Variants in GFRA2 observed in about 807,000 individuals in gnomAD.
The protein encoded by GFRA2 is GDNF family receptor alpha-2.
Under a neutral mutation model 48.3 loss-of-function variants are expected in GFRA2, and 17 were observed. That is an observed-to-expected ratio of 0.35 (90% CI 0.24 to 0.53). The LOEUF (loss-of-function observed/expected upper bound fraction) is 0.53. Ranked by LOEUF, GFRA2 falls within the 20% of genes least tolerant of loss-of-function variation. The pLI is 0.93. For synonymous variants in GFRA2, 305 were observed against 257.2 expected, an observed-to-expected ratio of 1.19 and a Z score of -1.78; for missense variants, 660 against 637.3, an observed-to-expected ratio of 1.04 and a Z score of -0.38.
rs374886751 is a variant in GFRA2, at chr8:21,750,568, G to A, written c.794+20C>T. 9.0e-5 allele frequency: 133 copies of A among 1,480,168 alleles called. No homozygotes were observed. The East Asian group carries it at 1.9e-3, about 21-fold the overall frequency. The allele number at this position is 1,480,168 out of a possible 1,614,324, so 91.7% of individuals were successfully genotyped here. A position where few individuals can be genotyped will look rare whatever the true frequency, so the allele number is the denominator to read the frequency against. On this transcript the variant is annotated intron_variant, in intron 4 of 8. Transcript: ENST00000524240. The surrounding 1 kb of genome is among the most constrained non-coding windows in gnomAD (Gnocchi z 5.7). ...CAAGCGCCCTCCTGCCAGCACCACC[G>A]GGGCTGCCGCGGCACTCACCGACAC... is the stretch of plus-strand genomic sequence containing the variant.
chr8:21,782,518 G>T, intron 2 of GFRA2, 67 bp downstream of exon 2: 1 of 1,228,786 alleles, frequency 8.1e-7, no homozygotes. Context: ...TGAACCCCTG[G>T]CCCGCCACAC....
In GFRA2 at chr8:21,782,869, G is replaced by A; in HGVS notation, c.71C>T (p.Ser24Phe). 1 of 1,566,170 alleles carries A rather than the reference G, an allele frequency of 6.4e-7. No homozygotes were observed. Among genetic ancestry groups the A allele is most frequent in the South Asian group, 1.2e-5 (1 of 86,298 alleles). The part of the protein sequence containing the change: ...DETLRSLASP[S>F]SLQGPELHGW... ...GTGGAGCTCGGGGCCCTGCAGGGAG[G>A]AAGGGCTGGCCAAAGAGCGGAGGGT... The change falls in exon 2 of 9, where the codon TCC becomes TTC. Residue 24 changes from serine (S) to phenylalanine (F), a missense_variant. Ser to Phe is a radical substitution (Grantham distance 155). Coordinates refer to ENST00000524240, the MANE Select transcript of GFRA2 (RefSeq NM_001495.5).
At chr8:21,735,377 C>CA (rs1347256408) in intron 4 of GFRA2, among the ~76,000 whole-genome samples, 1 of 152,090 alleles carries the variant, frequency 6.6e-6, no homozygotes, top group African/African-American at 2.4e-5. Context: ...AAGCCCCCCC[C>CA]CAATCCACCC....
At position 21,714,246 on chromosome 8, in the gene GFRA2, C is replaced by CTTTTTTTTTTTTTTTTTTTTTTTTT. The variant is rs10674628; in HGVS notation, c.795-8206_795-8205insAAAAAAAAAAAAAAAAAAAAAAAAA. On this transcript the variant is annotated intron_variant, in intron 4 of 8. Coordinates refer to ENST00000524240, the MANE Select transcript of GFRA2 (RefSeq NM_001495.5). ...GATCAATACATACTGGTCTGAAGTT[C>CTTTTTTTTTTTTTTTTTTTTTTTTT]TTTTTTTTTTTTTTTTTTTTTTTGA... Among the ~76,000 whole-genome samples, 12 of 78,402 alleles carry CTTTTTTTTTTTTTTTTTTTTTTTTT rather than the reference C, an allele frequency of 1.5e-4. 3 individuals are homozygous for CTTTTTTTTTTTTTTTTTTTTTTTTT. The highest frequency in any genetic ancestry group is 5.2e-4 in the African/African-American group (10 of 19,304). 51.4% of individuals were successfully genotyped at this position (78,402 alleles called of 152,430 possible). A position where few individuals can be genotyped will look rare whatever the true frequency, so the allele number is the denominator to read the frequency against.
chr8:21,726,971 C>T (rs766441852), intron 4 of GFRA2, among the ~76,000 whole-genome samples: 2 of 152,042 alleles, frequency 1.3e-5, no homozygotes, highest in African/African-American at 2.4e-5. Flanking sequence ...AGGATGGTCT[C>T]GATCTCCTGA....
At chr8:21,791,033 C>A (rs1372397148), upstream of GFRA2, among the ~76,000 whole-genome samples, 1 of 152,154 alleles carries the variant, frequency 6.6e-6, no homozygotes, top group Non-Finnish European at 1.5e-5. Flanking sequence ...ATTTCGGAAT[C>A]TCACGCAGGC....
chr8:21,803,199 C>A lies in GFRA2; in HGVS notation c.-36+1818G>T, dbSNP rs1321532648. On this transcript the variant is annotated intron_variant, in intron 2 of 10. Transcript: ENST00000517328. ...GTGCATTATCATCCTGCAGCTGCTA[C>A]ACCTAGAACACAAGTCCTCTTCAGT... is the stretch of plus-strand genomic sequence containing the variant. Among the ~76,000 whole-genome samples, 3 of 152,208 alleles carry A rather than the reference C, an allele frequency of 2.0e-5. No individual in the cohort carries two copies. The East Asian group carries it at 5.8e-4, about 29-fold the overall frequency.
chr8:21,753,932 G>A (rs984639258), intron 3 of GFRA2, among the ~76,000 whole-genome samples: 2 of 152,148 alleles, frequency 1.3e-5, no homozygotes, highest in Non-Finnish European at 2.9e-5. Context: ...TCACGGCGTG[G>A]CCACAGGGCC....
chr8:21,725,213 C>T (rs563872633), intron 4 of GFRA2, among the ~76,000 whole-genome samples: 1 of 152,364 alleles, frequency 6.6e-6, no homozygotes, highest in South Asian at 2.1e-4. Flanking sequence ...TCCTGACTTC[C>T]TCTTGAAGCA....
At position 21,706,002 on chromosome 8, in the gene GFRA2, G is replaced by A; in HGVS notation, c.834C>T (p.Ser278=). ...LADFHANCRA[S]YQTVTSCPAD... Reference sequence around the variant, plus strand: ...CAGGGCAGCTGGTGACCGTCTGGTAGGAGGCTCGACAATTGGCATGGAAGT... The same window carrying A: ...CAGGGCAGCTGGTGACCGTCTGGTAAGAGGCTCGACAATTGGCATGGAAGT... The change falls in exon 5 of 9, where the codon TCC becomes TCT. Residue 278 remains serine, a synonymous_variant. Coordinates refer to ENST00000524240, the MANE Select transcript of GFRA2 (RefSeq NM_001495.5). 3 of 1,580,212 alleles carry A rather than the reference G, an allele frequency of 1.9e-6. No individual in the cohort carries two copies. The highest frequency in any genetic ancestry group is 2.6e-6 in the Non-Finnish European group (3 of 1,162,802).
intron 2 of GFRA2, among the ~76,000 whole-genome samples, chr8:21,781,759 G>A (rs1407872135): frequency 6.6e-6 from 1 of 152,116 alleles, no homozygotes; most frequent in Non-Finnish European, 1.5e-5. Context: ...CAATAAACAT[G>A]CATTCAATTA....
At chr8:21,709,882 T>C (rs1236578813) in intron 4 of GFRA2, among the ~76,000 whole-genome samples, 1 of 152,102 alleles carries the variant, frequency 6.6e-6, no homozygotes, top group Non-Finnish European at 1.5e-5. Context: ...AACAGCAGCA[T>C]GAATGGGGAG....
intron 4 of GFRA2, among the ~76,000 whole-genome samples, chr8:21,742,385 G>A (rs372321726): frequency 1.3e-4 from 20 of 152,248 alleles, no homozygotes; most frequent in African/African-American, 4.8e-4. Context: ...ATACGAGGAC[G>A]TAACCAGGAA....
chr8:21,731,787 C>T (rs1160974651), intron 4 of GFRA2, among the ~76,000 whole-genome samples: 1 of 152,194 alleles, frequency 6.6e-6, no homozygotes, highest in African/African-American at 2.4e-5. Flanking sequence ...TGACAGCAAA[C>T]AGCGAAGGAG....
intron 4 of GFRA2, among the ~76,000 whole-genome samples, chr8:21,734,826 G>A (rs1216772117): frequency 1.3e-5 from 2 of 152,144 alleles, no homozygotes; most frequent in Non-Finnish European, 1.5e-5. Flanking sequence ...CTGTTTCAAG[G>A]TGTGAAAGGA....
At chr8:21,799,764 G>A (rs1487104594) in intron 2 of GFRA2, among the ~76,000 whole-genome samples, 1 of 152,190 alleles carries the variant, frequency 6.6e-6, no homozygotes, top group Non-Finnish European at 1.5e-5. Context: ...TCCCCCTGAA[G>A]TGGGAGATGA....
upstream of GFRA2, chr8:21,790,189 G>A (rs751291519): frequency 2.0e-5 from 15 of 736,198 alleles, no homozygotes; most frequent in Non-Finnish European, 2.3e-5. Context: ...GAGAGCGGGA[G>A]AGGCGCGGGG....
chr8:21,809,126 C>T (rs1807929011), intron 1 of GFRA2, among the ~76,000 whole-genome samples: 1 of 152,114 alleles, frequency 6.6e-6, no homozygotes, highest in African/African-American at 2.4e-5. Flanking sequence ...AGTGTCAGCC[C>T]AACATCACGC....
Position 21,750,678 on chromosome 8 carries a change from TGCCGGCGGC to T in GFRA2, c.695_703del (p.Arg232_Arg234del). On this transcript the variant is annotated inframe_deletion, in exon 4 of 9. Coordinates refer to ENST00000524240, the MANE Select transcript of GFRA2 (RefSeq NM_001495.5). The surrounding 1 kb of genome is among the most constrained non-coding windows in gnomAD (Gnocchi z 5.7). ...ATAGGAGCAGCTGGGCAGGATGGTTTGCCGGCGGCGCTCAGCGCACGCCTGGTCTTGGCA... is the reference window on the plus strand; with the variant it reads ...ATAGGAGCAGCTGGGCAGGATGGTTTGCTCAGCGCACGCCTGGTCTTGGCA... 6.2e-7 allele frequency: 1 copy of T among 1,613,908 alleles called. No individual in the cohort carries two copies. The highest frequency in any genetic ancestry group is 8.5e-7 in the Non-Finnish European group (1 of 1,179,836).
Sources: gnomAD v4.1 joint callset for allele counts (sites outside exome capture counted in the v4.1 genomes callset) on GRCh38, gnomAD v4.1.1 for gene constraint, Gnocchi (gnomAD v3.1) non-coding constraint, MANE v1.5 for transcripts, NCBI Gene and HGNC (gene_info 2026-07-23, HGNC 2026-07-21) for gene names.